The following NEGR1 variants were observed in gnomAD, a reference collection of about 807,000 sequenced individuals.
The protein encoded by NEGR1 is neuronal growth regulator 1.
NEGR1 carries 10 observed loss-of-function variants against 40.9 expected under a neutral mutation model. That is an observed-to-expected ratio of 0.24 (90% CI 0.15 to 0.42). The LOEUF (loss-of-function observed/expected upper bound fraction) is 0.42, where lower values mean the gene tolerates loss of function less well. Ranked by LOEUF, NEGR1 falls within the 10% of genes least tolerant of loss-of-function variation. The probability of loss-of-function intolerance (pLI) is 1.00; values close to 1 mark genes in which losing one functional copy is unlikely to be tolerated. For synonymous variants in NEGR1, 185 were observed against 166.8 expected (o/e 1.11, Z -0.84); for missense variants, 352 against 438.9 (o/e 0.80, Z 1.77).
intron 3 of NEGR1, among the ~76,000 whole-genome samples, chr1:71,739,221 A>C (rs868148891): frequency 2.0e-5 from 3 of 150,974 alleles, no homozygotes; most frequent in Non-Finnish European, 2.9e-5. Flanking sequence ...AAAAAAACAA[A>C]AAAAAAAAAC....
chr1:71,618,180 T>A (rs1650502956), intron 4 of NEGR1, among the ~76,000 whole-genome samples: 1 of 152,184 alleles, frequency 6.6e-6, no homozygotes, highest in South Asian at 2.1e-4. Flanking sequence ...TGCATGATCG[T>A]CTTGCTCAGC....
chr1:71,436,141 A>G (rs1488078245), intron 6 of NEGR1, among the ~76,000 whole-genome samples: 1 of 152,152 alleles, frequency 6.6e-6, no homozygotes, highest in Non-Finnish European at 1.5e-5. Context: ...TTCCTGCTGG[A>G]GGAAACAGTG....
At chr1:71,700,156 T>G (rs1392253249) in intron 3 of NEGR1, among the ~76,000 whole-genome samples, 2 of 152,016 alleles carry the variant, frequency 1.3e-5, no homozygotes, top group African/African-American at 4.8e-5. Flanking sequence ...AATATTTACC[T>G]TTTTAAATTT....
intron 5 of NEGR1, among the ~76,000 whole-genome samples, chr1:71,593,968 T>C (rs961134514): frequency 1.3e-5 from 2 of 152,228 alleles, no homozygotes; most frequent in African/African-American, 2.4e-5. Context: ...TTGAATTGTT[T>C]TAAATTCCTC....
intron 1 of NEGR1, among the ~76,000 whole-genome samples, chr1:72,092,510 T>C (rs1416337860): frequency 6.6e-6 from 1 of 152,188 alleles, no homozygotes; most frequent in Admixed American, 6.5e-5. Flanking sequence ...TTTTCACTTA[T>C]CTAGCAAAGT....
chr1:71,551,563 G>A (rs1209798584), intron 6 of NEGR1, among the ~76,000 whole-genome samples: 3 of 151,630 alleles, frequency 2.0e-5, no homozygotes, highest in South Asian at 2.1e-4. Context: ...ATTTAACTTT[G>A]TTTAGACAGC....
intron 6 of NEGR1, among the ~76,000 whole-genome samples, chr1:71,493,122 A>T (rs963072818): frequency 2.0e-5 from 3 of 152,062 alleles, no homozygotes; most frequent in African/African-American, 7.2e-5. Flanking sequence ...CTTCTGTTCT[A>T]CAGTCATTAC....
chr1:71,501,374 T>C (rs1290214016), intron 6 of NEGR1, among the ~76,000 whole-genome samples: 1 of 152,172 alleles, frequency 6.6e-6, no homozygotes, highest in Non-Finnish European at 1.5e-5. Flanking sequence ...ATTTTTAAGA[T>C]AATTTCTAAA....
rs148071093 is a variant in NEGR1 at position 72,005,296 on chromosome 1, G to T, written c.177-69985C>A. ...GCAAAATACCCCAATCTACCATCAA[G>T]CCCAAATAAAAAATAGTTTAACGCC... On this transcript the variant is annotated intron_variant, in intron 1 of 6. Coordinates refer to ENST00000357731, the MANE Select transcript of NEGR1 (RefSeq NM_173808.3). Among the ~76,000 whole-genome samples the T allele has an allele frequency of 1.2e-3, 177 of 152,074 alleles. 1 individual carries two copies. Among genetic ancestry groups the T allele is most frequent in the African/African-American group, 4.3e-3 (177 of 41,504 alleles).
chr1:72,168,963 C>A (rs544488753), intron 1 of NEGR1, among the ~76,000 whole-genome samples: 1 of 152,060 alleles, frequency 6.6e-6, no homozygotes, highest in South Asian at 2.1e-4. Flanking sequence ...AAAGTAACTG[C>A]AAATTTGGTG....
At chr1:71,819,794 A>T (rs1658359860) in intron 2 of NEGR1, among the ~76,000 whole-genome samples, 1 of 152,048 alleles carries the variant, frequency 6.6e-6, no homozygotes, top group African/African-American at 2.4e-5. Flanking sequence ...TCTGGAGGAA[A>T]GGGATAACAG....
chr1:71,930,495 C>T (rs1467181115), intron 2 of NEGR1, among the ~76,000 whole-genome samples: 2 of 152,162 alleles, frequency 1.3e-5, no homozygotes, highest in Non-Finnish European at 2.9e-5. Context: ...CTGCATCCTA[C>T]TCTTCTCTTG....
intron 1 of NEGR1, among the ~76,000 whole-genome samples, chr1:72,115,063 A>G (rs1398018644): frequency 6.6e-6 from 1 of 151,750 alleles, no homozygotes; most frequent in African/African-American, 2.4e-5. Context: ...GGAAAGATAG[A>G]TACTGAAACT....
chr1:71,757,329 A>C (rs773817670), intron 3 of NEGR1, among the ~76,000 whole-genome samples: 12 of 152,096 alleles, frequency 7.9e-5, no homozygotes, highest in Non-Finnish European at 1.6e-4. Flanking sequence ...CAAAATTGGA[A>C]GGCATAACAA....
chr1:71,908,235 T>C (rs1349587818), intron 2 of NEGR1, among the ~76,000 whole-genome samples: 1 of 151,848 alleles, frequency 6.6e-6, no homozygotes, highest in Non-Finnish European at 1.5e-5. Context: ...AAAAGAATAT[T>C]GTTTGGTTAA....
At chr1:71,655,782 T>C (rs1374512773) in intron 4 of NEGR1, among the ~76,000 whole-genome samples, 1 of 152,118 alleles carries the variant, frequency 6.6e-6, no homozygotes, top group African/African-American at 2.4e-5. Context: ...ATTATGCAAA[T>C]GATTGTCTCA....
chr1:72,177,432 A>G (rs933543898), intron 1 of NEGR1, among the ~76,000 whole-genome samples: 1 of 152,018 alleles, frequency 6.6e-6, no homozygotes, highest in Non-Finnish European at 1.5e-5. Context: ...ATTACTGAAC[A>G]TTTATTTCAT....
At chr1:71,907,112 T>C (rs750997791) in intron 2 of NEGR1, among the ~76,000 whole-genome samples, 4 of 152,046 alleles carry the variant, frequency 2.6e-5, no homozygotes, top group Non-Finnish European at 5.9e-5. Context: ...AAGCAAAGAG[T>C]GATTATCAAT....
chr1:72,039,700 T>C (rs1646935321), intron 1 of NEGR1, among the ~76,000 whole-genome samples: 1 of 151,934 alleles, frequency 6.6e-6, no homozygotes, highest in Non-Finnish European at 1.5e-5. Flanking sequence ...ATAAGAGGAA[T>C]GAATATGAGG....
Sources: gnomAD v4.1 joint callset for allele counts (sites outside exome capture counted in the v4.1 genomes callset) on GRCh38, gnomAD v4.1.1 for gene constraint, MANE v1.5 for transcripts, NCBI Gene and HGNC (gene_info 2026-07-23, HGNC 2026-07-21) for gene names.